The following HGFAC variants were observed in gnomAD, a reference collection of about 807,000 sequenced individuals.
HGFAC encodes hepatocyte growth factor activator serine protease.
In HGFAC, 76 loss-of-function variants were observed where a neutral mutation model predicts 70.6. The observed-to-expected ratio is 1.08, with a 90% confidence interval of 0.89 to 1.30. The LOEUF (loss-of-function observed/expected upper bound fraction) is 1.30, where lower values mean the gene tolerates loss of function less well. Ranked by LOEUF, HGFAC falls within the 50% of genes most tolerant of loss-of-function variation. The pLI, the probability that HGFAC is intolerant of heterozygous loss-of-function variation, is 0.00. For synonymous variants in HGFAC, 464 were observed against 405.3 expected, an observed-to-expected ratio of 1.14 and a Z score of -1.74; for missense variants, 1,044 against 933.7, an observed-to-expected ratio of 1.12 and a Z score of -1.54.
At position 3,448,288 on chromosome 4, in the gene HGFAC, C is replaced by T. The variant is rs1478165659; in HGVS notation, c.1785+12C>T. On this transcript the variant is annotated intron_variant, in intron 13 of 13. Transcript: ENST00000382774. ...CCGACGCCTGCCAGGTGAGCTGGTGCCCGCCCCACCAGGACCCGACTGGTG... is the reference window on the plus strand; with the variant it reads ...CCGACGCCTGCCAGGTGAGCTGGTGTCCGCCCCACCAGGACCCGACTGGTG... The T allele has an allele frequency of 1.9e-6, 3 of 1,603,188 alleles. No homozygotes were observed. Among genetic ancestry groups the T allele is most frequent in the Admixed American group, 3.4e-5 (2 of 59,658 alleles).
At position 3,448,186 on chromosome 4, in the gene HGFAC, C is replaced by T; in HGVS notation, c.1695C>T (p.His565=). 6.2e-7 allele frequency: 1 copy of T among 1,604,952 alleles called. No individual in the cohort carries two copies. The highest frequency in any genetic ancestry group is 8.5e-7 in the Non-Finnish European group (1 of 1,177,092). Residue 565 remains histidine (H), a synonymous_variant, in exon 13 of 14, where the codon CAC becomes CAT. Coordinates refer to ENST00000382774, the MANE Select transcript of HGFAC (RefSeq NM_001528.4). ...REALVPLVAD[H]KCSSPEVYGA... is the part of the protein sequence containing the mutation. ...CCCTGGTCCCCCTGGTCGCCGACCACAAGTGCAGCAGCCCTGAGGTCTACG... is the reference window on the plus strand; with the variant it reads ...CCCTGGTCCCCCTGGTCGCCGACCATAAGTGCAGCAGCCCTGAGGTCTACG...
chr4:3,444,768 A>AG, intron 7 of HGFAC, 35 bp downstream of exon 7: 10 of 1,576,280 alleles, frequency 6.3e-6, no homozygotes, highest in Non-Finnish European at 8.6e-6. Context: ...GCCCTGGGGC[A>AG]GTGCCGGGTG....
At chr4:3,445,514 T>C in intron 9 of HGFAC, 164 bp downstream of exon 9, 1 of 642,374 alleles carries the variant, frequency 1.6e-6, no homozygotes, top group East Asian at 2.7e-5. Context: ...AGTGGGTCGG[T>C]ACTGGGGTCA....
chr4:3,441,748 G>A, upstream of HGFAC: 1 of 412,498 alleles, frequency 2.4e-6, no homozygotes, highest in Non-Finnish European at 4.2e-6. This position sits in a 1 kb window ranked among gnomAD's most constrained non-coding sequence, Gnocchi z 6.0. Flanking sequence ...CTAAGCTGAG[G>A]CCCAAGGACC....
chr4:3,448,720 G>A (rs553250200), intron 13 of HGFAC, among the ~76,000 whole-genome samples: 3 of 152,308 alleles, frequency 2.0e-5, no homozygotes, highest in Admixed American at 6.5e-5. Context: ...CAGGCGGCAC[G>A]GCAACCCTGG....
chr4:3,448,407 C>A lies in HGFAC; in HGVS notation c.1785+131C>A. 17 of 1,135,326 alleles carry A rather than the reference C, an allele frequency of 1.5e-5. 1 individual carries two copies. In the South Asian group the frequency reaches 2.6e-4, roughly 17 times the overall value. 70.3% of individuals were successfully genotyped at this position (1,135,326 alleles called of 1,614,324 possible). On this transcript the variant is annotated intron_variant, in intron 13 of 13. Coordinates refer to ENST00000382774, the MANE Select transcript of HGFAC (RefSeq NM_001528.4). ...ACCTGGCAGGGCCAGCCAGGGACCC[C>A]TGGGCAGGGAGCACACTTACTGTCG... is the stretch of plus-strand genomic sequence containing the variant.
At position 3,444,052 on chromosome 4, in the gene HGFAC, C is replaced by A. The variant is rs769471731; in HGVS notation, c.489C>A (p.Pro163=). ...GCATGTCCCCAGCTGCCCTGGATCC[C>A]TGTGCCTCCGGCCCCTGCCTCAATG... ...PPPGGPAALD[P]CASGPCLNGG... Residue 163 remains proline, a synonymous_variant, in exon 5 of 14, where the codon CCC becomes CCA. Transcript: ENST00000382774. 1 of 1,596,530 alleles carries A rather than the reference C, an allele frequency of 6.3e-7. No homozygotes were observed.
chr4:3,445,074 A>G, intron 8 of HGFAC, 81 bp downstream of exon 8: 6 of 1,438,218 alleles, frequency 4.2e-6, no homozygotes, highest in Non-Finnish European at 5.6e-6. Context: ...GCTCCCTAGG[A>G]CCCAGGCGGG....
upstream of HGFAC, among the ~76,000 whole-genome samples, chr4:3,441,138 C>T (rs1170491142): frequency 6.6e-6 from 1 of 152,180 alleles, no homozygotes; most frequent in Non-Finnish European, 1.5e-5. This position sits in a 1 kb window ranked among gnomAD's most constrained non-coding sequence, Gnocchi z 6.0. Flanking sequence ...CTGCCCACAG[C>T]CCCAAGTCAC....
In HGFAC at chr4:3,447,947, C is replaced by T. The variant is rs267600140; in HGVS notation, c.1548C>T (p.Phe516=). 2.6e-5 allele frequency: 42 copies of T among 1,605,170 alleles called. No individual in the cohort carries two copies. The Admixed American group carries it at 5.2e-4, about 20-fold the overall frequency. ...KGDRCATRSQ[F]VQPICLPEPG... ...ACCGCTGTGCCACACGCTCGCAGTT[C>T]GTGCAGCCCATCTGCCTGCCCGAGC... The change falls in exon 12 of 14, where the codon TTC becomes TTT. Residue 516 remains phenylalanine, a synonymous_variant. Transcript: ENST00000382774.
chr4:3,448,895 T>G (rs1341979211), intron 13 of HGFAC, among the ~76,000 whole-genome samples: 1 of 152,066 alleles, frequency 6.6e-6, no homozygotes, highest in African/African-American at 2.4e-5. Context: ...GGAGGGAGTG[T>G]TTGCACTGGT....
chr4:3,449,263 C>A lies in HGFAC; in HGVS notation c.1812C>A (p.Cys604Ter). Residue 604 changes from cysteine (C) to a stop codon, truncating the protein, a stop_gained, in exon 14 of 14, where the codon TGC (cysteine) becomes TGA (stop). Coordinates refer to ENST00000382774, the MANE Select transcript of HGFAC (RefSeq NM_001528.4). LOFTEE classifies it low-confidence loss of function (END_TRUNC). ...CQGDSGGPLA[C>*]EKNGVAYLYG... ...GGGACTCAGGGGGGCCCCTGGCCTG[C>A]GAGAAGAACGGCGTGGCTTACCTCT... The A allele has an allele frequency of 3.7e-6, 6 of 1,612,202 alleles. No individual in the cohort carries two copies. The highest frequency in any genetic ancestry group is 5.1e-6 in the Non-Finnish European group (6 of 1,179,542).
At chr4:3,443,504 G>A (rs1407501745) in intron 4 of HGFAC, 84 bp downstream of exon 4, 16 of 843,294 alleles carry the variant, frequency 1.9e-5, no homozygotes, top group Admixed American at 3.6e-5. Context: ...GGGCGGACCC[G>A]GGCAGGGGTC....
chr4:3,446,567 G>A (rs1399798984), intron 10 of HGFAC, among the ~76,000 whole-genome samples: 1 of 152,124 alleles, frequency 6.6e-6, no homozygotes, highest in Non-Finnish European at 1.5e-5. Context: ...GGAGAGTGCA[G>A]TGGGCCAGGT....
chr4:3,448,833 G>C (rs906079552), intron 13 of HGFAC, among the ~76,000 whole-genome samples: 3 of 152,168 alleles, frequency 2.0e-5, no homozygotes, highest in Non-Finnish European at 4.4e-5. Context: ...TGGTAGAGTG[G>C]GTAGGGCTTG....
rs1255966790 is a variant in HGFAC, at chr4:3,443,151, G to A, written c.395+5G>A. On this transcript the variant is annotated splice_donor_5th_base_variant and intron_variant, in intron 3 of 13. Transcript: ENST00000382774. ...GGGCAGTGCACACAGGAAGTGGTGG[G>A]TCCGGGCAGCCGGGGCACCCGAGCT... 6.6e-7 allele frequency: 1 copy of A among 1,523,280 alleles called. No homozygotes were observed. 94.4% of individuals were successfully genotyped at this position (1,523,280 alleles called of 1,614,324 possible). A position where few individuals can be genotyped will look rare whatever the true frequency, so the allele number is the denominator to read the frequency against.
chr4:3,443,106 C>A lies in HGFAC; in HGVS notation c.355C>A (p.Leu119Met). ...RFPFRYGGRM[L>M]HACTSEGSAH... The stretch of plus-strand genomic sequence containing the variant: ...CCCCTTCCGCTACGGGGGCCGCATG[C>A]TGCATGCCTGCACTTCGGAGGGCAG... The change falls in exon 3 of 14, where the codon CTG (leucine) becomes ATG (methionine). Residue 119 changes from leucine (L) to methionine (M), a missense_variant. Leu to Met is a conservative substitution (Grantham distance 15). Transcript: ENST00000382774. 6.3e-7 allele frequency: 1 copy of A among 1,593,098 alleles called. No individual in the cohort carries two copies. The highest frequency in any genetic ancestry group is 8.5e-7 in the Non-Finnish European group (1 of 1,175,192).
At chr4:3,446,937 G>C (rs959619393) in intron 10 of HGFAC, among the ~76,000 whole-genome samples, 1 of 152,200 alleles carries the variant, frequency 6.6e-6, no homozygotes, top group Admixed American at 6.5e-5. Context: ...ACCTGCAGCC[G>C]GCGGCTCCTG....
rs778480213 is a variant in HGFAC, at chr4:3,444,044, C to T, written c.481C>T (p.Leu161=). The T allele has an allele frequency of 6.0e-5, 96 of 1,591,048 alleles. No individual in the cohort carries two copies. Among genetic ancestry groups the T allele is most frequent in the Non-Finnish European group, 8.1e-5 (95 of 1,170,182 alleles). The change falls in exon 5 of 14, where the codon CTG becomes TTG. Residue 161 remains leucine, a synonymous_variant. Transcript: ENST00000382774. ...CCCCTCCCGCATGTCCCCAGCTGCC[C>T]TGGATCCCTGTGCCTCCGGCCCCTG... ...ATPPPGGPAA[L]DPCASGPCLN...
Sources: allele counts gnomAD v4.1 joint callset (sites outside exome capture counted in the v4.1 genomes callset), GRCh38; gene constraint gnomAD v4.1.1; non-coding constraint Gnocchi (gnomAD v3.1); transcripts MANE v1.5; gene names NCBI Gene and HGNC (gene_info 2026-07-23, HGNC 2026-07-21).